HEATR1: variants seen among roughly 807,000 people sequenced by gnomAD.
HEATR1 encodes HEAT repeat containing 1.
HEATR1 carries 77 observed loss-of-function variants against 248.2 expected under a neutral mutation model. The observed-to-expected ratio is 0.31, with a 90% CI of 0.26 to 0.37. The LOEUF (loss-of-function observed/expected upper bound fraction) is 0.37, where lower values mean the gene tolerates loss of function less well. HEATR1 is among the 10% of genes least tolerant of loss of function. The pLI is 1.00. For missense variants in HEATR1, 2,420 were observed against 2,504.9 expected, an observed-to-expected ratio of 0.97 and a Z score of 0.72; for synonymous variants, 897 against 923.1, an observed-to-expected ratio of 0.97 and a Z score of 0.51.
At chr1:236,591,007 T>C (rs1664022005) in intron 11 of HEATR1, 53 bp from the exon 12 acceptor site, 1 of 900,706 alleles carries the variant, frequency 1.1e-6, no homozygotes, top group Middle Eastern at 2.4e-4. Flanking sequence ...GAACAGTCTA[T>C]GATCAAGAAT....
Position 236,603,836 on chromosome 1 carries a change from C to G in HEATR1, c.142+118G>C, listed in dbSNP as rs534200812. On this transcript the variant is annotated intron_variant, in intron 2 of 44. Coordinates refer to ENST00000366582, the MANE Select transcript of HEATR1 (RefSeq NM_018072.6). ...TCCCTTAAAAATATACATCAACATGCTAGAAACTGCTAAGGAAGAGGACGG... is the reference window on the plus strand; with the variant it reads ...TCCCTTAAAAATATACATCAACATGGTAGAAACTGCTAAGGAAGAGGACGG... The G allele has an allele frequency of 3.2e-4, 350 of 1,094,852 alleles. 2 individuals are homozygous for G. In the African/African-American group the frequency reaches 5.3e-3, roughly 17 times the overall value. The allele number at this position is 1,094,852 out of a possible 1,614,324, so 67.8% of individuals were successfully genotyped here.
intron 26 of HEATR1, 87 bp downstream of exon 26, chr1:236,572,324 G>C (rs1298520711): frequency 4.4e-6 from 6 of 1,370,412 alleles, no homozygotes; most frequent in African/African-American, 1.5e-5. Context: ...CTAAACAAGA[G>C]AAGAGTATGT....
At chr1:236,584,571 T>C (rs2758188) in intron 17 of HEATR1, among the ~76,000 whole-genome samples, 91,909 of 151,984 alleles carry the variant, frequency 0.6, 29,673 homozygotes, top group Non-Finnish European at 0.72. Context: ...AAACATGTCC[T>C]TTAGTAATAC....
rs118109622 is a variant in HEATR1 at position 236,603,767 on chromosome 1, C to G, written c.142+187G>C. On this transcript the variant is annotated intron_variant, in intron 2 of 44. Transcript: ENST00000366582. ...TCTGTGAAATCCAGATACCTCTACT[C>G]ATAAACATTTCAAGCACCAAGCACC... Among the ~76,000 whole-genome samples the G allele has an allele frequency of 1.4e-4, 22 of 151,944 alleles. No individual in the cohort carries two copies. In the East Asian group the frequency reaches 4.3e-3, roughly 30 times the overall value.
chr1:236,557,433 A>T (rs3754246), intron 36 of HEATR1, 88 bp from the exon 37 acceptor site: 24,662 of 1,379,056 alleles, frequency 0.018, 820 homozygotes, highest in East Asian at 0.13. Flanking sequence ...AAAAACCAGC[A>T]AACTGTGCCT....
chr1:236,595,805 C>A (rs1164219348), intron 7 of HEATR1, 28 bp downstream of exon 7: 2 of 1,576,128 alleles, frequency 1.3e-6, no homozygotes, highest in Non-Finnish European at 1.7e-6. Context: ...CTCTGACTAG[C>A]ACCATTTCTC....
intron 16 of HEATR1, among the ~76,000 whole-genome samples, chr1:236,585,425 T>C (rs990284116): frequency 4.6e-5 from 7 of 152,182 alleles, no homozygotes; most frequent in Non-Finnish European, 1.0e-4. Context: ...TGCCAACTGG[T>C]TAATGTATTT....
chr1:236,597,292 G>C lies in HEATR1; in HGVS notation c.604-316C>G, dbSNP rs148874370. On this transcript the variant is annotated intron_variant, in intron 5 of 44. Coordinates refer to ENST00000366582, the MANE Select transcript of HEATR1 (RefSeq NM_018072.6). ...TTTTTTTTGAGATGGAGTCTCTGTC[G>C]CCCAGGTTGCAGTACAGTGGCATGA... is the stretch of plus-strand genomic sequence containing the variant. Among the ~76,000 whole-genome samples, 14 of 138,972 alleles carry C rather than the reference G, an allele frequency of 1.0e-4. No individual in the cohort carries two copies. The Admixed American group carries it at 1.0e-3, about 10-fold the overall frequency. 91.2% of individuals were successfully genotyped at this position (138,972 alleles called of 152,430 possible). A position where few individuals can be genotyped will look rare whatever the true frequency, so the allele number is the denominator to read the frequency against.
At chr1:236,574,165 C>T (rs779285125) in intron 24 of HEATR1, 37 bp downstream of exon 24, 19 of 1,567,116 alleles carry the variant, frequency 1.2e-5, no homozygotes, top group East Asian at 9.1e-5. Flanking sequence ...AGACTATAAA[C>T]ATTAATAAAA....
rs912466692 is a variant in HEATR1 at position 236,554,664 on chromosome 1, A to G, written c.6012T>C (p.Leu2004=). Residue 2004 remains leucine (L), a synonymous_variant, in exon 42 of 45, where the codon CTT becomes CTC. Coordinates refer to ENST00000366582, the MANE Select transcript of HEATR1 (RefSeq NM_018072.6). ...FILNCLYKIF[L]FDTQHFISKE... is the part of the protein sequence containing the mutation. ...TACTTATAAAATGCTGGGTATCAAA[A>G]AGGAAGATTTTGTATAAACAGTTCA... 15 of 1,613,510 alleles carry G rather than the reference A, an allele frequency of 9.3e-6. No individual in the cohort carries two copies. The highest frequency in any genetic ancestry group is 1.3e-5 in the Non-Finnish European group (15 of 1,179,830).
At chr1:236,579,942 A>G (rs1663665587) in intron 20 of HEATR1, among the ~76,000 whole-genome samples, 1 of 150,972 alleles carries the variant, frequency 6.6e-6, no homozygotes. Context: ...AAAAAACAAC[A>G]AGAAACAAAA....
At position 236,564,519 on chromosome 1, in the gene HEATR1, A is replaced by G. The variant is rs767559761; in HGVS notation, c.4578T>C (p.Ser1526=). 4.3e-6 allele frequency: 7 copies of G among 1,613,596 alleles called. No homozygotes were observed. The highest frequency in any genetic ancestry group is 5.9e-6 in the Non-Finnish European group (7 of 1,179,920). Residue 1526 remains serine, a synonymous_variant, in exon 32 of 45, where the codon TCT becomes TCC. Transcript: ENST00000366582. ...TTACCTTTTTCAGAAAATTATTGGA[A>G]GACAGGAGCTGAGACATGAAGGACA... ...LSVSFMSQLL[S]SNNFLKKVVE...
At chr1:236,558,142 C>T (rs1663025181) in intron 36 of HEATR1, 95 bp downstream of exon 36, 5 of 1,305,258 alleles carry the variant, frequency 3.8e-6, no homozygotes, top group Non-Finnish European at 2.1e-6. Context: ...TATGCAACGT[C>T]TACTCAGAGG....
rs907267379 is a variant in HEATR1, at chr1:236,588,024, A to C, written c.1550T>G (p.Phe517Cys). ...TCGGGCTAAAACAGCTTCTTTTATGAAAGATTCATCAACACCCTCCTGAGC... is the reference window on the plus strand; with the variant it reads ...TCGGGCTAAAACAGCTTCTTTTATGCAAGATTCATCAACACCCTCCTGAGC... ...KTSKEGVDESFIKEAVLARLG... is the reference protein window; with the variant it reads ...KTSKEGVDESCIKEAVLARLG... Residue 517 changes from phenylalanine (F) to cysteine (C), a missense_variant, in exon 13 of 45, where the codon TTC becomes TGC. Coordinates refer to ENST00000366582, the MANE Select transcript of HEATR1 (RefSeq NM_018072.6). 1.2e-6 allele frequency: 2 copies of C among 1,612,114 alleles called. No homozygotes were observed. The highest frequency in any genetic ancestry group is 1.7e-6 in the Non-Finnish European group (2 of 1,178,968).
intron 44 of HEATR1, 109 bp from the exon 45 acceptor site, chr1:236,551,099 A>C: frequency 1.2e-6 from 1 of 837,422 alleles, no homozygotes; most frequent in East Asian, 2.7e-5. Context: ...TCATTCAATC[A>C]AAAGAGTGAA....
intron 30 of HEATR1, among the ~76,000 whole-genome samples, 175 bp downstream of exon 30, chr1:236,566,471 G>C (rs1394453754): frequency 6.6e-6 from 1 of 152,084 alleles, no homozygotes; most frequent in Non-Finnish European, 1.5e-5. Context: ...AGAGTGCTAT[G>C]GGCTCTGAAT....
At chr1:236,568,374 T>C (rs1370632113) in intron 29 of HEATR1, among the ~76,000 whole-genome samples, 1 of 152,246 alleles carries the variant, frequency 6.6e-6, no homozygotes, top group Non-Finnish European at 1.5e-5. Context: ...GTGCTGAATA[T>C]GGTCATCCCT....
At chr1:236,596,091 T>G (rs769010788) in intron 6 of HEATR1, 47 bp from the exon 7 acceptor site, 1 of 1,365,378 alleles carries the variant, frequency 7.3e-7, no homozygotes, top group South Asian at 1.2e-5. Context: ...CATATTATTT[T>G]CTGCTACTTT....
intron 17 of HEATR1, 120 bp from the exon 18 acceptor site, chr1:236,583,316 A>C (rs1258455066): frequency 1.2e-6 from 1 of 800,704 alleles, no homozygotes; most frequent in Non-Finnish European, 2.0e-6. Flanking sequence ...TGGGGAAAGG[A>C]TTAACAGAAC....
Sources: gnomAD v4.1 joint callset for allele counts (sites outside exome capture counted in the v4.1 genomes callset) on GRCh38, gnomAD v4.1.1 for gene constraint, MANE v1.5 for transcripts, NCBI Gene and HGNC (gene_info 2026-07-23, HGNC 2026-07-21) for gene names.